The following GREB1 variants were observed in gnomAD, a reference collection of about 807,000 sequenced individuals.
GREB1 encodes protein GREB1.
In GREB1, 106 loss-of-function variants were observed where a neutral mutation model predicts 200.7. The ratio of observed to expected loss-of-function variants is 0.53; its 90% confidence interval spans 0.45 to 0.62. The LOEUF (loss-of-function observed/expected upper bound fraction) is 0.62, where lower values mean the gene tolerates loss of function less well. Among genes scored for constraint, GREB1 ranks in the 20% least tolerant of loss-of-function variants. The pLI, the probability that GREB1 is intolerant of heterozygous loss-of-function variation, is 0.00. For synonymous variants in GREB1, 1,132 were observed against 1,092.4 expected, an observed-to-expected ratio of 1.04 and a Z score of -0.72; for missense variants, 2,243 against 2,556.8, an observed-to-expected ratio of 0.88 and a Z score of 2.65.
Position 11,556,783 on chromosome 2 carries a change from A to G in GREB1, c.157+12A>G, listed in dbSNP as rs766284492. On this transcript the variant is annotated intron_variant, in intron 2 of 32. Transcript: ENST00000381486. ...TGCCGCTCTAGAAGGTGGGAGACGC[A>G]CGTTGCTTTTATCTGTGTATTTCTT... 3 of 1,611,020 alleles carry G rather than the reference A, an allele frequency of 1.9e-6. No individual in the cohort carries two copies. Among genetic ancestry groups the G allele is most frequent in the African/African-American group, 2.7e-5 (2 of 74,826 alleles).
chr2:11,503,177 G>C (rs78128229), intron 1 of GREB1, among the ~76,000 whole-genome samples: 176 of 152,300 alleles, frequency 1.2e-3, no homozygotes, highest in African/African-American at 3.9e-3. Context: ...AAACGTTCCT[G>C]ATGAGGGGAA....
At chr2:11,553,500 A>G (rs1423049282) in intron 1 of GREB1, among the ~76,000 whole-genome samples, 1 of 151,652 alleles carries the variant, frequency 6.6e-6, no homozygotes, top group Non-Finnish European at 1.5e-5. Context: ...ACAAACAAAC[A>G]AAAAACCCCA....
chr2:11,597,693 G>T lies in GREB1; in HGVS notation c.1955-88G>T. On this transcript the variant is annotated intron_variant, in intron 13 of 32. Coordinates refer to ENST00000381486, the MANE Select transcript of GREB1 (RefSeq NM_014668.4). The surrounding 1 kb of genome is among the most constrained non-coding windows in gnomAD (Gnocchi z 4.1). The stretch of plus-strand genomic sequence containing the variant: ...CTTTGTGAATGGGGCCGTCTCCCCT[G>T]GACAGGTCTCACTGATTCTCTGGCC... 1 of 1,165,478 alleles carries T rather than the reference G, an allele frequency of 8.6e-7. No individual in the cohort carries two copies. The allele number at this position is 1,165,478 out of a possible 1,614,324, so 72.2% of individuals were successfully genotyped here.
intron 1 of GREB1, among the ~76,000 whole-genome samples, chr2:11,505,458 C>G (rs551858721): frequency 9.8e-5 from 15 of 152,310 alleles, no homozygotes; most frequent in Admixed American, 2.0e-4. Context: ...GCAGTTCTCT[C>G]CAGCTCTTCT....
chr2:11,578,455 A>G, intron 6 of GREB1, 24 bp downstream of exon 6: 1 of 1,611,704 alleles, frequency 6.2e-7, no homozygotes, highest in Non-Finnish European at 8.5e-7. Flanking sequence ...GACACACCAG[A>G]GCTGCTAAAC....
At chr2:11,621,056 T>C (rs1348830233) in intron 23 of GREB1, 49 bp downstream of exon 23, 2 of 1,025,444 alleles carry the variant, frequency 2.0e-6, no homozygotes, top group East Asian at 2.4e-5. Flanking sequence ...CCTTCATCAC[T>C]TTCTCAAGTG....
chr2:11,592,151 C>A (rs1680784986), intron 10 of GREB1: 6 of 909,920 alleles, frequency 6.6e-6, no homozygotes, highest in East Asian at 1.2e-4. Flanking sequence ...CCTTCTCTAA[C>A]AAGCTATGGG....
In GREB1 at chr2:11,612,500, G is replaced by T. The variant is rs764864493; in HGVS notation, c.3012G>T (p.Trp1004Cys). The T allele has an allele frequency of 6.2e-7, 1 of 1,604,984 alleles. No individual in the cohort carries two copies. The highest frequency in any genetic ancestry group is 1.1e-5 in the South Asian group (1 of 90,882). ...GKHFVKQLRMWQKIEDVEWRP... is the reference protein window; with the variant it reads ...GKHFVKQLRMCQKIEDVEWRP... The stretch of plus-strand genomic sequence containing the variant: ...TTCTTTTTCGTTATCTGCAGATGTG[G>T]CAGAAAATTGAGGATGTGGAGTGGA... The change falls in exon 19 of 33, where the codon TGG becomes TGT. Residue 1004 changes from tryptophan (W) to cysteine (C), a missense_variant. Trp to Cys is a radical substitution (Grantham distance 215). This residue lies in a region of GREB1 where 1,178 missense variants were observed against 1,387.4 expected (regional missense o/e 0.85). Transcript: ENST00000381486.
At chr2:11,509,069 GT>G (rs1673273319) in intron 1 of GREB1, among the ~76,000 whole-genome samples, 1 of 151,442 alleles carries the variant, frequency 6.6e-6, no homozygotes, top group Non-Finnish European at 1.5e-5. Flanking sequence ...TAGAGACGGG[GT>G]TTCACCGTGT....
Position 11,634,257 on chromosome 2 carries a change from C to G in GREB1, c.5118C>G (p.Ser1706Arg). Residue 1706 changes from serine to arginine, a missense_variant, in exon 29 of 33, where the codon AGC (serine) becomes AGG (arginine). By Grantham distance (110) the Ser-to-Arg change is moderately radical (BLOSUM62 -1). Coordinates refer to ENST00000381486, the MANE Select transcript of GREB1 (RefSeq NM_014668.4). ...AGTGGTCCAGCAAGACCCGGGCCAG[C>G]GAGGTGCAAGAGCCCTTCTCCCGCT... ...LRKWSSKTRA[S>R]EVQEPFSRCH... The G allele has an allele frequency of 1.9e-6, 3 of 1,614,198 alleles. No homozygotes were observed. Among genetic ancestry groups the G allele is most frequent in the Non-Finnish European group, 2.5e-6 (3 of 1,180,026 alleles).
rs544139826 is a variant in GREB1 at position 11,639,494 on chromosome 2, A to C, written c.5686+685A>C. On this transcript the variant is annotated intron_variant, in intron 32 of 32. Coordinates refer to ENST00000381486, the MANE Select transcript of GREB1 (RefSeq NM_014668.4). ...TTCTCCTCATCCTGGGAGGTGCCACACCACCTTGGCTTTTACGCCAGTCTT... is the reference window on the plus strand; with the variant it reads ...TTCTCCTCATCCTGGGAGGTGCCACCCCACCTTGGCTTTTACGCCAGTCTT... 3.7e-4 allele frequency among the ~76,000 whole-genome samples: 57 copies of C among 152,192 alleles called. 1 individual carries two copies. Among genetic ancestry groups the C allele is most frequent in the African/African-American group, 1.4e-3 (57 of 41,522 alleles).
intron 1 of GREB1, among the ~76,000 whole-genome samples, chr2:11,505,445 C>T (rs1558488276): frequency 6.6e-6 from 1 of 152,202 alleles, no homozygotes; most frequent in African/African-American, 2.4e-5. Flanking sequence ...GTCTTTCACA[C>T]AAGCAGTTCT....
In GREB1 at chr2:11,578,292, C is replaced by T. The variant is rs1212625954; in HGVS notation, c.638-5C>T. 4 of 1,611,880 alleles carry T rather than the reference C, an allele frequency of 2.5e-6. No homozygotes were observed. Among genetic ancestry groups the T allele is most frequent in the Admixed American group, 1.7e-5 (1 of 59,934 alleles). On this transcript the variant is annotated splice_polypyrimidine_tract_variant and splice_region_variant and intron_variant, in intron 5 of 32. Coordinates refer to ENST00000381486, the MANE Select transcript of GREB1 (RefSeq NM_014668.4). ...GGTTTTCACGTGTGCACCTTGCCCC[C>T]TTAGAGTTTAGAAGCCGGCAGATCC...
At chr2:11,586,361 G>A (rs1362808782) in intron 9 of GREB1, among the ~76,000 whole-genome samples, 1 of 152,218 alleles carries the variant, frequency 6.6e-6, no homozygotes, top group Non-Finnish European at 1.5e-5. Flanking sequence ...TACTTTGGTT[G>A]GGCAAAGATA....
At chr2:11,627,186 G>A (rs1247896481) in intron 25 of GREB1, 82 bp downstream of exon 25, 1 of 1,308,362 alleles carries the variant, frequency 7.6e-7, no homozygotes, top group Non-Finnish European at 1.0e-6. Flanking sequence ...TTTCATTCCA[G>A]AGTGGGAGAT....
At position 11,492,658 on chromosome 2, in the gene GREB1, A is replaced by G. The variant is rs934039278; in HGVS notation, c.-159+10277A>G. ...GAATCAAGTTTGCCAGAATCAATGT[A>G]AGGGAAGAGAAAAGGGTAAAAGTTT... On this transcript the variant is annotated intron_variant, in intron 1 of 2. Coordinates refer to the GREB1 transcript ENST00000628795. This position sits in a 1 kb window ranked among gnomAD's most constrained non-coding sequence, Gnocchi z 4.0. Among the ~76,000 whole-genome samples the G allele has an allele frequency of 6.6e-6, 1 of 152,208 alleles. No homozygotes were observed. The highest frequency in any genetic ancestry group is 2.4e-5 in the African/African-American group (1 of 41,448).
chr2:11,588,712 G>A (rs1429510426), intron 9 of GREB1, 34 bp from the exon 10 acceptor site: 2 of 1,601,308 alleles, frequency 1.2e-6, no homozygotes, highest in Non-Finnish European at 1.7e-6. Flanking sequence ...CTGTGCACAA[G>A]ACTGGGTGCC....
chr2:11,483,467 G>C (rs889486815), intron 1 of GREB1, among the ~76,000 whole-genome samples: 4 of 151,884 alleles, frequency 2.6e-5, no homozygotes, highest in Non-Finnish European at 4.4e-5. Context: ...ATCTGCCTCT[G>C]TGTTTAGGGA....
intron 1 of GREB1, among the ~76,000 whole-genome samples, chr2:11,510,893 G>A (rs1407087624): frequency 6.6e-6 from 1 of 152,032 alleles, no homozygotes; most frequent in African/African-American, 2.4e-5. Flanking sequence ...GGCTGGTCTC[G>A]AACTCCTGAC....
Sources: gnomAD v4.1 joint callset for allele counts (sites outside exome capture counted in the v4.1 genomes callset) on GRCh38, gnomAD v4.1.1 for gene constraint, gnomAD v4.1.1 regional missense constraint, Gnocchi (gnomAD v3.1) non-coding constraint, MANE v1.5 for transcripts, NCBI Gene and HGNC (gene_info 2026-07-23, HGNC 2026-07-21) for gene names.